GC: variants seen among roughly 807,000 people sequenced by gnomAD.
The protein encoded by GC is vitamin D-binding protein.
In GC, 43 loss-of-function variants were observed where a neutral mutation model predicts 56.7. That is an observed-to-expected ratio of 0.76 (90% CI 0.59 to 0.98). GC has a LOEUF of 0.98. GC is among the 50% of genes least tolerant of loss of function. The pLI is 0.00. For missense variants in GC, 529 were observed against 545.9 expected, an observed-to-expected ratio of 0.97 and a Z score of 0.31; for synonymous variants, 216 against 202.7, an observed-to-expected ratio of 1.07 and a Z score of -0.56.
At chr4:71,758,478 G>A (rs1376991242) in intron 6 of GC, among the ~76,000 whole-genome samples, 1 of 152,106 alleles carries the variant, frequency 6.6e-6, no homozygotes, top group Non-Finnish European at 1.5e-5. Context: ...AGTCACAAAT[G>A]TCTCTTTCTA....
chr4:71,804,342 T>C (rs1743314826), upstream of GC, among the ~76,000 whole-genome samples: 1 of 152,152 alleles, frequency 6.6e-6, no homozygotes, highest in Admixed American at 6.5e-5. Flanking sequence ...TGTGGGTAAT[T>C]AGCATTATTT....
chr4:71,791,325 G>A (rs1197312723), intron 1 of GC, among the ~76,000 whole-genome samples: 2 of 151,996 alleles, frequency 1.3e-5, no homozygotes, highest in South Asian at 2.1e-4. Context: ...CTGATAAGGA[G>A]TTGACAGTTA....
chr4:71,788,998 A>AT (rs1197636776), upstream of GC, among the ~76,000 whole-genome samples: 4 of 151,896 alleles, frequency 2.6e-5, no homozygotes, highest in African/African-American at 9.7e-5. Flanking sequence ...TTAATGAACT[A>AT]TTTTCCAACA....
chr4:71,759,837 C>T (rs1446961711), intron 6 of GC, among the ~76,000 whole-genome samples: 1 of 152,040 alleles, frequency 6.6e-6, no homozygotes, highest in Non-Finnish European at 1.5e-5. Context: ...ATGCTATTTC[C>T]TTGAAGTACA....
intron 12 of GC, among the ~76,000 whole-genome samples, chr4:71,744,299 A>G (rs947894245): frequency 6.6e-6 from 1 of 150,788 alleles, no homozygotes; most frequent in African/African-American, 2.4e-5. Context: ...AAAAAAAAAA[A>G]AAAACCCAAA....
At chr4:71,796,672 G>A (rs898281783) in intron 1 of GC, among the ~76,000 whole-genome samples, 7 of 152,158 alleles carry the variant, frequency 4.6e-5, no homozygotes, top group East Asian at 1.9e-4. Context: ...CTGTCAGTTC[G>A]TCAAAGTCAT....
Position 71,763,834 on chromosome 4 carries a change from A to G in GC, c.576T>C (p.Ser192=). The G allele has an allele frequency of 6.2e-7, 1 of 1,613,194 alleles. No homozygotes were observed. Among genetic ancestry groups the G allele is most frequent in the South Asian group, 1.1e-5 (1 of 91,052 alleles). ...YLSMVGSCCT[S]ASPTVCFLKE... ...TCAAAAAGCATACAGTTGGGCTTGC[A>G]GAGGTACAGCAGGACCCTACCATAG... The change falls in exon 5 of 13, where the codon TCT becomes TCC. Residue 192 remains serine (S), a synonymous_variant. Coordinates refer to ENST00000273951, the MANE Select transcript of GC (RefSeq NM_000583.4).
intron 1 of GC, among the ~76,000 whole-genome samples, chr4:71,798,825 A>G (rs945301181): frequency 4.6e-5 from 7 of 152,158 alleles, no homozygotes; most frequent in African/African-American, 1.4e-4. Flanking sequence ...TTTTAGCACT[A>G]CTTAACTTGT....
At position 71,741,785 on chromosome 4, in the gene GC, T is replaced by C. The variant is rs1244405289; in HGVS notation, c.*111A>G. ...TATTGTAGCTAGAAAAAGTAGAAAG[T>C]ATCCTAGTTGTCTTCCCAGAAGCTC... On this transcript the variant is annotated 3_prime_UTR_variant, in exon 13 of 13. Transcript: ENST00000273951. The C allele has an allele frequency of 2.9e-6, 2 of 700,474 alleles. No homozygotes were observed. Among genetic ancestry groups the C allele is most frequent in the Non-Finnish European group, 5.2e-6 (2 of 384,440 alleles). 43.4% of individuals were successfully genotyped at this position (700,474 alleles called of 1,614,324 possible).
intron 11 of GC, among the ~76,000 whole-genome samples, chr4:71,749,784 G>A (rs1741487788): frequency 6.6e-6 from 1 of 152,110 alleles, no homozygotes; most frequent in African/African-American, 2.4e-5. Context: ...GAATTTTAAT[G>A]AAAGATTAAG....
chr4:71,768,480 T>A (rs1172264852), intron 2 of GC, 47 bp from the exon 3 acceptor site: 4 of 1,553,462 alleles, frequency 2.6e-6, no homozygotes, highest in Non-Finnish European at 3.5e-6. Context: ...GAAAGGTTTT[T>A]TTTTTTGAGA....
chr4:71,748,848 A>G (rs1741459578), intron 11 of GC, among the ~76,000 whole-genome samples: 1 of 152,120 alleles, frequency 6.6e-6, no homozygotes, highest in Non-Finnish European at 1.5e-5. Flanking sequence ...TTGGAATGAC[A>G]AGTAGAGACT....
chr4:71,761,450 C>T (rs922386252), intron 6 of GC, among the ~76,000 whole-genome samples: 1 of 152,080 alleles, frequency 6.6e-6, no homozygotes, highest in Non-Finnish European at 1.5e-5. Flanking sequence ...TGCAGCCAGA[C>T]AATGTGAGAG....
At chr4:71,747,158 A>C (rs1214046483) in intron 11 of GC, among the ~76,000 whole-genome samples, 13 of 152,274 alleles carry the variant, frequency 8.5e-5, no homozygotes, top group Non-Finnish European at 2.9e-5. Context: ...AACTCAAAAA[A>C]CATAAGAGCA....
At chr4:71,804,404 C>A (rs185159643), upstream of GC, among the ~76,000 whole-genome samples, 1 of 152,102 alleles carries the variant, frequency 6.6e-6, no homozygotes, top group Admixed American at 6.5e-5. Flanking sequence ...GCCCTGTTCC[C>A]AAAGATTAAC....
chr4:71,803,251 T>C (rs1743292546), intron 1 of GC, among the ~76,000 whole-genome samples: 1 of 152,094 alleles, frequency 6.6e-6, no homozygotes, highest in Admixed American at 6.5e-5. Flanking sequence ...ACCTGTACTC[T>C]GATTTGGCTG....
intron 1 of GC, among the ~76,000 whole-genome samples, chr4:71,799,829 T>G (rs557051462): frequency 1.3e-5 from 2 of 152,256 alleles, no homozygotes; most frequent in African/African-American, 4.8e-5. Flanking sequence ...TCATTGGAGA[T>G]GTAGTCTAAG....
intron 1 of GC, among the ~76,000 whole-genome samples, chr4:71,802,531 C>T (rs1478409564): frequency 2.0e-5 from 3 of 152,140 alleles, no homozygotes; most frequent in Non-Finnish European, 4.4e-5. Context: ...GGCTGCATGC[C>T]CATAAACCCA....
intron 3 of GC, among the ~76,000 whole-genome samples, chr4:71,766,931 T>C (rs80122738): frequency 6.6e-6 from 1 of 152,310 alleles, no homozygotes; most frequent in East Asian, 1.9e-4. Flanking sequence ...ATGCCATATC[T>C]GTTTTCTTAT....
Sources: gnomAD v4.1 joint callset for allele counts (sites outside exome capture counted in the v4.1 genomes callset) on GRCh38, gnomAD v4.1.1 for gene constraint, MANE v1.5 for transcripts, NCBI Gene and HGNC (gene_info 2026-07-23, HGNC 2026-07-21) for gene names.